Variants in FBXO11 observed in about 807,000 individuals in gnomAD.
FBXO11 encodes the protein F-box only protein 11.
In FBXO11, 13 loss-of-function variants were observed where a neutral mutation model predicts 117.0. That is an observed-to-expected ratio of 0.11 (90% confidence interval 0.07 to 0.18). The LOEUF is 0.18. Among genes scored for constraint, FBXO11 ranks in the 10% least tolerant of loss-of-function variants. The pLI is 1.00. For synonymous variants in FBXO11, 490 were observed against 380.5 expected (o/e 1.29, Z -3.35); for missense variants, 767 against 1,164.4 (o/e 0.66, Z 4.97).
intron 18 of FBXO11, chr2:47,810,850 G>GAGTT (rs1670562466): frequency 6.5e-6 from 1 of 153,478 alleles, no homozygotes; most frequent in South Asian, 2.0e-4. Context: ...ATTTCCTGAT[G>GAGTT]AGTTTCCTTT....
At chr2:47,894,406 A>G (rs1398743831) in intron 1 of FBXO11, among the ~76,000 whole-genome samples, 2 of 152,254 alleles carry the variant, frequency 1.3e-5, no homozygotes, top group African/African-American at 4.8e-5. Context: ...ATAAGAGTTA[A>G]AGAGATAAAC....
intron 11 of FBXO11, among the ~76,000 whole-genome samples, chr2:47,823,857 T>G (rs944479362): frequency 6.6e-6 from 1 of 152,150 alleles, no homozygotes; most frequent in Non-Finnish European, 1.5e-5. Context: ...TAATTTTTTT[T>G]TTTTTAACAG....
intron 1 of FBXO11, among the ~76,000 whole-genome samples, chr2:47,871,178 T>G (rs1289846311): frequency 1.3e-5 from 2 of 152,170 alleles, no homozygotes; most frequent in Non-Finnish European, 2.9e-5. Flanking sequence ...ACCTGCTTGC[T>G]CTCTTCGATT....
chr2:47,875,832 C>T (rs562605602), intron 1 of FBXO11, among the ~76,000 whole-genome samples: 1 of 152,142 alleles, frequency 6.6e-6, no homozygotes, highest in Non-Finnish European at 1.5e-5. Flanking sequence ...CTTCTTCATT[C>T]TCTTATTTTC....
At chr2:47,886,499 CTCA>C (rs1320824851) in intron 1 of FBXO11, among the ~76,000 whole-genome samples, 1 of 131,354 alleles carries the variant, frequency 7.6e-6, no homozygotes, top group African/African-American at 2.9e-5. Context: ...GAGCGAGACT[CTCA>C]AAAAAAAAAA....
rs566188062 is a variant in FBXO11 at position 47,861,275 on chromosome 2, T to C, written c.233-21506A>G. Among the ~76,000 whole-genome samples the C allele has an allele frequency of 1.6e-4, 25 of 152,228 alleles. No individual in the cohort carries two copies. The South Asian group carries it at 4.4e-3, about 27-fold the overall frequency. On this transcript the variant is annotated intron_variant, in intron 1 of 22. Coordinates refer to ENST00000403359, the MANE Select transcript of FBXO11 (RefSeq NM_001190274.2). Reference sequence around the variant, plus strand: ...ACTTCCTATGGAGTAGATATTGTAATTGACTTCATAATATTCATTCTATCC... The same window carrying C: ...ACTTCCTATGGAGTAGATATTGTAACTGACTTCATAATATTCATTCTATCC...
chr2:47,837,928 T>A lies in FBXO11; in HGVS notation c.587+931A>T, dbSNP rs1193214581. Among the ~76,000 whole-genome samples the A allele has an allele frequency of 2.6e-5, 4 of 151,844 alleles. No individual in the cohort carries two copies. The East Asian group carries it at 7.7e-4, about 29-fold the overall frequency. On this transcript the variant is annotated intron_variant, in intron 4 of 22. Coordinates refer to ENST00000403359, the MANE Select transcript of FBXO11 (RefSeq NM_001190274.2). ...ACTTTTTATAACAGCATTTTTTTCA[T>A]CTTATTAAAAACCTGGGCTGGGTGC...
intron 1 of FBXO11, among the ~76,000 whole-genome samples, chr2:47,897,005 C>T (rs901529526): frequency 2.6e-5 from 4 of 152,126 alleles, no homozygotes; most frequent in Admixed American, 2.6e-4. Flanking sequence ...ACTTCTAATT[C>T]CCTTTAAAGC....
rs1558396466 is a variant in FBXO11 at position 47,806,939 on chromosome 2, AT to A, written c.*1178del. 2 of 1,105,902 alleles carry A rather than the reference AT, an allele frequency of 1.8e-6. No individual in the cohort carries two copies. Among genetic ancestry groups the A allele is most frequent in the Non-Finnish European group, 1.4e-6 (1 of 736,782 alleles). 68.5% of individuals were successfully genotyped at this position (1,105,902 alleles called of 1,614,324 possible). ...ACAACATTATGATCTAATAAACTTT[AT>A]TTTTTAAAAATGACCATTTTTCCAT... On this transcript the variant is annotated 3_prime_UTR_variant, in exon 23 of 23. Coordinates refer to ENST00000403359, the MANE Select transcript of FBXO11 (RefSeq NM_001190274.2).
chr2:47,844,270 A>G (rs1185178566), intron 1 of FBXO11, among the ~76,000 whole-genome samples: 1 of 151,930 alleles, frequency 6.6e-6, no homozygotes, highest in Non-Finnish European at 1.5e-5. Context: ...CTCACATTTT[A>G]TATTCTCTCT....
intron 11 of FBXO11, 119 bp from the exon 12 acceptor site, chr2:47,823,479 G>T: frequency 1.2e-6 from 1 of 803,442 alleles, no homozygotes; most frequent in Non-Finnish European, 1.9e-6. Context: ...TTAAGGCTGG[G>T]CGTGGTGACT....
chr2:47,863,377 C>G (rs1397768228), intron 1 of FBXO11, among the ~76,000 whole-genome samples: 1 of 152,118 alleles, frequency 6.6e-6, no homozygotes, highest in Non-Finnish European at 1.5e-5. Context: ...ACTTTAATGT[C>G]TACAAGTGCT....
At position 47,857,533 on chromosome 2, in the gene FBXO11, C is replaced by T. The variant is rs144107744; in HGVS notation, c.233-17764G>A. On this transcript the variant is annotated intron_variant, in intron 1 of 22. Coordinates refer to ENST00000403359, the MANE Select transcript of FBXO11 (RefSeq NM_001190274.2). ...AAAATAAGATGCTGTATCTGCAGTA[C>T]AACTGATCTACATAGAAGCTTAGAA... 6.7e-3 allele frequency among the ~76,000 whole-genome samples: 1,026 copies of T among 152,182 alleles called. 15 individuals are homozygous for T. Among genetic ancestry groups the T allele is most frequent in the African/African-American group, 0.024 (979 of 41,494 alleles).
intron 1 of FBXO11, among the ~76,000 whole-genome samples, chr2:47,904,848 G>T (rs906634141): frequency 1.3e-5 from 2 of 152,022 alleles, no homozygotes. Flanking sequence ...CCAGGGGTTC[G>T]TAACTAAAGA....
chr2:47,903,465 T>C (rs1038480752), intron 1 of FBXO11, among the ~76,000 whole-genome samples: 6 of 152,236 alleles, frequency 3.9e-5, no homozygotes, highest in Non-Finnish European at 5.9e-5. Flanking sequence ...GACACTGGCA[T>C]GTGACTGCCA....
intron 3 of FBXO11, 69 bp from the exon 4 acceptor site, chr2:47,839,072 T>G: frequency 6.7e-7 from 1 of 1,502,740 alleles, no homozygotes; most frequent in Non-Finnish European, 8.9e-7. Context: ...GAACACAGTT[T>G]TCATTTTATC....
At chr2:47,890,970 A>C (rs1572913914) in intron 1 of FBXO11, among the ~76,000 whole-genome samples, 2 of 149,506 alleles carry the variant, frequency 1.3e-5, no homozygotes, top group Admixed American at 6.6e-5. Flanking sequence ...GGCATGTGCC[A>C]CCATACCGGG....
rs534017803 is a variant in FBXO11, at chr2:47,812,348, G to T, written c.2227+886C>A. ...AAATAACATCTGGAATGGTCTGTTC[G>T]CCTCTCCCAAACCCAATTGCCAGTA... On this transcript the variant is annotated intron_variant, in intron 18 of 22. Coordinates refer to ENST00000403359, the MANE Select transcript of FBXO11 (RefSeq NM_001190274.2). 2.2e-4 allele frequency among the ~76,000 whole-genome samples: 33 copies of T among 152,252 alleles called. 1 individual carries two copies. Among genetic ancestry groups the T allele is most frequent in the African/African-American group, 7.9e-4 (33 of 41,544 alleles).
Position 47,905,981 on chromosome 2 carries a change from G to A in FBXO11, c.-261C>T, listed in dbSNP as rs879926410. On this transcript the variant is annotated 5_prime_UTR_variant, in exon 1 of 23. Coordinates refer to ENST00000403359, the MANE Select transcript of FBXO11 (RefSeq NM_001190274.2). ...GAAGGCCGAAGCCGCCGGGCGGGGC[G>A]GCCGCGAGGGACGAAGGCAGAAAGA... is the stretch of plus-strand genomic sequence containing the variant. 1.2e-5 allele frequency: 5 copies of A among 408,946 alleles called. No individual in the cohort carries two copies. Among genetic ancestry groups the A allele is most frequent in the African/African-American group, 1.1e-4 (5 of 47,590 alleles). The allele number at this position is 408,946 out of a possible 1,614,324, so 25.3% of individuals were successfully genotyped here.
Sources: allele counts gnomAD v4.1 joint callset (sites outside exome capture counted in the v4.1 genomes callset), GRCh38; gene constraint gnomAD v4.1.1; transcripts MANE v1.5; gene names NCBI Gene and HGNC (gene_info 2026-07-23, HGNC 2026-07-21).